TRPM1: variants seen among roughly 807,000 people sequenced by gnomAD.
TRPM1 encodes the protein TRPM1-203 APA Isoform, Intron 10.
TRPM1 carries 113 observed loss-of-function variants against 149.4 expected under a neutral mutation model. The observed-to-expected ratio is 0.76, with a 90% CI of 0.65 to 0.88. The LOEUF (loss-of-function observed/expected upper bound fraction) is 0.88. Among genes scored for constraint, TRPM1 ranks in the 40% least tolerant of loss-of-function variants. TRPM1 has a pLI of 0.00. For synonymous variants in TRPM1, 741 were observed against 759.5 expected (o/e 0.98, Z 0.40); for missense variants, 1,976 against 2,038.7 (o/e 0.97, Z 0.59).
intron 1 of TRPM1, among the ~76,000 whole-genome samples, chr15:31,156,213 A>G (rs941547384): frequency 2.0e-5 from 3 of 151,238 alleles, no homozygotes; most frequent in Admixed American, 2.0e-4. Flanking sequence ...AAAAAAAAAA[A>G]AAAAAAAAGG....
At chr15:31,038,459 C>A (rs933207667) in intron 18 of TRPM1, among the ~76,000 whole-genome samples, 2 of 152,214 alleles carry the variant, frequency 1.3e-5, no homozygotes, top group African/African-American at 4.8e-5. Flanking sequence ...CACCTGTAAT[C>A]CCAGCACTTT....
chr15:31,021,055 G>A (rs2032535322), intron 27 of TRPM1, among the ~76,000 whole-genome samples: 1 of 152,122 alleles, frequency 6.6e-6, no homozygotes, highest in African/African-American at 2.4e-5. Context: ...TCAGGAACAA[G>A]GGTGTCATCC....
chr15:31,150,536 A>G (rs547143511), intron 1 of TRPM1, among the ~76,000 whole-genome samples: 300 of 149,368 alleles, frequency 2.0e-3, no homozygotes, highest in African/African-American at 6.9e-3. Context: ...TCCCGGATTC[A>G]AGTGATTCTT....
rs765296730 is a variant in TRPM1 at position 31,002,732 on chromosome 15, GT to G, written c.3967del (p.Thr1323ProfsTer6). 5 of 1,614,040 alleles carry G rather than the reference GT, an allele frequency of 3.1e-6. No homozygotes were observed. The highest frequency in any genetic ancestry group is 3.3e-5 in the Admixed American group (2 of 60,000). On this transcript the variant is annotated frameshift_variant, in exon 28 of 28. Coordinates refer to ENST00000256552, the MANE Select transcript of TRPM1 (RefSeq NM_001252024.2). LOFTEE classifies it low-confidence loss of function (END_TRUNC). Reference sequence around the variant, plus strand: ...CTCTTCCTTTATACGGAAGGAACAGGTTTTTTTCCTGACTCCTGTCCCTGGT... The same window carrying G: ...CTCTTCCTTTATACGGAAGGAACAGGTTTTTTCCTGACTCCTGTCCCTGGT... The part of the protein sequence containing the change: ...TSPGTGVRKK[T>X]CSFRIKEEKD...
At chr15:31,091,631 G>C (rs2035243289) in intron 1 of TRPM1, among the ~76,000 whole-genome samples, 1 of 152,162 alleles carries the variant, frequency 6.6e-6, no homozygotes. Flanking sequence ...AGAATAAGGA[G>C]TGGCACTTGG....
chr15:31,087,634 G>A (rs1475248010), intron 1 of TRPM1, among the ~76,000 whole-genome samples: 1 of 152,046 alleles, frequency 6.6e-6, no homozygotes, highest in African/African-American at 2.4e-5. Context: ...GGTTTTCATC[G>A]ACAGATGAGT....
At chr15:31,128,815 C>T (rs1420627157) in intron 1 of TRPM1, among the ~76,000 whole-genome samples, 1 of 152,254 alleles carries the variant, frequency 6.6e-6, no homozygotes, top group East Asian at 1.9e-4. Context: ...TTGCTGTTGC[C>T]ATCTTGAAAT....
In TRPM1 at chr15:31,062,735, G is replaced by A. The variant is rs780078300; in HGVS notation, c.966-33C>T. ...AAGAAAATGCAAGAGAACAAAACAA[G>A]GCAAGTTAAATCTATATATGAATGA... On this transcript the variant is annotated intron_variant, in intron 8 of 27. Transcript: ENST00000256552. 8 of 1,611,554 alleles carry A rather than the reference G, an allele frequency of 5.0e-6. No homozygotes were observed. In the African/African-American group the frequency reaches 1.1e-4, roughly 22 times the overall value.
At chr15:31,006,651 T>C (rs1215972318) in intron 27 of TRPM1, among the ~76,000 whole-genome samples, 2 of 152,250 alleles carry the variant, frequency 1.3e-5, no homozygotes, top group African/African-American at 4.8e-5. Flanking sequence ...CCGAGATTGC[T>C]GATTCATAGG....
chr15:31,157,855 A>G (rs2036397359), intron 1 of TRPM1, among the ~76,000 whole-genome samples: 1 of 151,986 alleles, frequency 6.6e-6, no homozygotes, highest in Admixed American at 6.6e-5. Flanking sequence ...ACCCTGGAAG[A>G]CTCGTACATA....
At chr15:31,076,127 C>CGGG (rs3214509) in intron 3 of TRPM1, among the ~76,000 whole-genome samples, 2 of 151,750 alleles carry the variant, frequency 1.3e-5, no homozygotes, top group East Asian at 3.9e-4. Context: ...TTTCTTACCT[C>CGGG]GGGGGGCAAT....
chr15:31,123,074 A>G (rs905833818), intron 1 of TRPM1, among the ~76,000 whole-genome samples: 2 of 152,248 alleles, frequency 1.3e-5, no homozygotes, highest in Admixed American at 6.5e-5. Context: ...AAAGGAGCAA[A>G]GGCAATCCAA....
chr15:31,066,987 C>G, intron 6 of TRPM1, 76 bp downstream of exon 6: 1 of 1,587,814 alleles, frequency 6.3e-7, no homozygotes, highest in Non-Finnish European at 8.6e-7. Context: ...CTTACAACTG[C>G]ATCTGAATCA....
upstream of TRPM1, chr15:31,101,860 A>C (rs544574876): frequency 2.3e-3 from 751 of 326,010 alleles, 1 homozygote; most frequent in Non-Finnish European, 2.7e-3. Flanking sequence ...AAAGGAAGCC[A>C]GGGCCCCAAG....
At chr15:31,076,861 A>C in intron 3 of TRPM1, 44 bp downstream of exon 3, 1 of 1,422,450 alleles carries the variant, frequency 7.0e-7, no homozygotes, top group Non-Finnish European at 9.9e-7. Flanking sequence ...AGTGGCAGAC[A>C]AGCACTGGTT....
At chr15:31,124,418 C>G (rs535024191) in intron 1 of TRPM1, among the ~76,000 whole-genome samples, 1 of 151,982 alleles carries the variant, frequency 6.6e-6, no homozygotes, top group African/African-American at 2.4e-5. Context: ...CTTTGGGAGG[C>G]GAAGTCAGGC....
At chr15:31,160,865 TCCGCCCAGCTGC>T in intron 1 of TRPM1, 1 of 1,533,342 alleles carries the variant, frequency 6.5e-7, no homozygotes. Flanking sequence ...CCTCTGCCCT[TCCGCCCAGCTGC>T]CCGCAGGCCA....
chr15:31,112,095 G>A (rs1231448319), intron 1 of TRPM1, among the ~76,000 whole-genome samples: 3 of 152,240 alleles, frequency 2.0e-5, no homozygotes, highest in Non-Finnish European at 4.4e-5. Context: ...TGAGCATACA[G>A]AGCTTGGGTA....
chr15:31,045,002 A>G (rs1195440620), intron 16 of TRPM1, among the ~76,000 whole-genome samples: 2 of 152,188 alleles, frequency 1.3e-5, no homozygotes, highest in Non-Finnish European at 2.9e-5. Flanking sequence ...ATGAAGTAGT[A>G]TTATGAAATG....
Sources: gnomAD v4.1 joint callset for allele counts (sites outside exome capture counted in the v4.1 genomes callset) on GRCh38, gnomAD v4.1.1 for gene constraint, MANE v1.5 for transcripts, NCBI Gene and HGNC (gene_info 2026-07-23, HGNC 2026-07-21) for gene names.